The following A4GNT variants were observed in gnomAD, a reference collection of about 807,000 sequenced individuals.
A4GNT encodes alpha-1,4-N-acetylglucosaminyltransferase.
Under a neutral mutation model 8.3 loss-of-function variants are expected in A4GNT, and 6 were observed. The ratio of observed to expected loss-of-function variants is 0.72; its 90% CI spans 0.39 to 1.42. The LOEUF (loss-of-function observed/expected upper bound fraction) is 1.42. A4GNT is among the 40% of genes most tolerant of loss of function. A4GNT has a pLI of 0.02. For missense variants in A4GNT, 377 were observed against 417.0 expected (o/e 0.90, Z 0.84); for synonymous variants, 157 against 159.8 (o/e 0.98, Z 0.13).
At chr3:138,130,726 A>C in intron 2 of A4GNT, 123 bp downstream of exon 2, 2 of 1,028,570 alleles carry the variant, frequency 1.9e-6, no homozygotes, top group South Asian at 3.5e-5. Context: ...AACATGGTAA[A>C]AAGAGGGCCA....
rs1471717179 is a variant in A4GNT at position 138,124,452 on chromosome 3, G to C, written c.835C>G (p.Pro279Ala). 2.5e-6 allele frequency: 4 copies of C among 1,614,208 alleles called. No homozygotes were observed. The highest frequency in any genetic ancestry group is 1.7e-5 in the Admixed American group (1 of 60,032). Residue 279 changes from proline to alanine, a missense_variant, in exon 3 of 3, where the codon CCA becomes GCA. Pro to Ala is a conservative substitution (Grantham distance 27). Transcript: ENST00000236709. ...AGGGCATAAGAGACATTGAAGCTTG[G>C]CTCTGTATCCCACACTTCATAGTAG... ...RRYYEVWDTE[P>A]SFNVSYALHL...
intron 2 of A4GNT, among the ~76,000 whole-genome samples, chr3:138,126,377 T>A (rs980332909): frequency 2.6e-5 from 4 of 151,462 alleles, no homozygotes; most frequent in Admixed American, 2.6e-4. Flanking sequence ...GCAAAATGTT[T>A]TGTTTGTTTG....
intron 2 of A4GNT, among the ~76,000 whole-genome samples, chr3:138,126,073 AG>A (rs2042743325): frequency 6.6e-6 from 1 of 152,192 alleles, no homozygotes; most frequent in African/African-American, 2.4e-5. Flanking sequence ...AGTCTGGGGT[AG>A]GGTTGGTAGA....
At position 138,131,127 on chromosome 3, in the gene A4GNT, C is replaced by A. The variant is rs1170510197; in HGVS notation, c.130G>T (p.Ala44Ser). Residue 44 changes from alanine to serine, a missense_variant, in exon 2 of 3, where the codon GCC (alanine) becomes TCC (serine). Transcript: ENST00000236709. ...ATGCCACGTCTGTGGCTCAGGAGGG[C>A]TTCCAGCCCCTGGTGGGACTTGAAA... Reference protein sequence around the residue: ...PSFKSHQGLEALLSHRRGIVF... With the variant: ...PSFKSHQGLESLLSHRRGIVF... The A allele has an allele frequency of 6.2e-7, 1 of 1,613,632 alleles. No individual in the cohort carries two copies. The highest frequency in any genetic ancestry group is 8.5e-7 in the Non-Finnish European group (1 of 1,179,710).
At position 138,124,281 on chromosome 3, in the gene A4GNT, C is replaced by A. The variant is rs1410873414; in HGVS notation, c.1006G>T (p.Gly336Cys). ...TGTTAGCTTTATTTGTTACCTGGAC[C>A]CAGCTCCCCAGTCACTGACCCCTCT... The part of the protein sequence containing the change: ...GPEGSVTGEL[G>C]PGNK Residue 336 changes from glycine to cysteine, a missense_variant, in exon 3 of 3, where the codon GGT becomes TGT. Transcript: ENST00000236709. 1 of 1,613,412 alleles carries A rather than the reference C, an allele frequency of 6.2e-7. No homozygotes were observed. Among genetic ancestry groups the A allele is most frequent in the Admixed American group, 1.7e-5 (1 of 59,936 alleles).
At chr3:138,127,041 A>G (rs2107885474) in intron 2 of A4GNT, among the ~76,000 whole-genome samples, 1 of 147,664 alleles carries the variant, frequency 6.8e-6, no homozygotes, top group East Asian at 2.1e-4. Flanking sequence ...CTGAGGCAGG[A>G]GAATCACTTG....
Position 138,124,413 on chromosome 3 carries a change from G to A in A4GNT, c.874C>T (p.His292Tyr). ...ACAGCCCGCCCCTCCTGGTTCATGT[G>A]GTTCCACAAATGCAGGGCATAAGAG... is the stretch of plus-strand genomic sequence containing the variant. ...NVSYALHLWN[H>Y]MNQEGRAVIR... The change falls in exon 3 of 3, where the codon CAC becomes TAC. Residue 292 changes from histidine to tyrosine, a missense_variant. Coordinates refer to ENST00000236709, the MANE Select transcript of A4GNT (RefSeq NM_016161.3). 6.2e-7 allele frequency: 1 copy of A among 1,614,174 alleles called. No individual in the cohort carries two copies. Among genetic ancestry groups the A allele is most frequent in the Non-Finnish European group, 8.5e-7 (1 of 1,180,038 alleles).
Position 138,124,309 on chromosome 3 carries a change from G to T in A4GNT, c.978C>A (p.Gly326=), listed in dbSNP as rs747910981. Residue 326 remains glycine (G), a synonymous_variant, in exon 3 of 3, where the codon GGC becomes GGA. Transcript: ENST00000236709. ...GCTCCCCAGTCACTGACCCCTCTGG[G>T]CCTTTAATCAGGTCCCTGTAAGTCC... ...CPRTYRDLIK[G]PEGSVTGELG... is the part of the protein sequence containing the mutation. 2 of 1,614,192 alleles carry T rather than the reference G, an allele frequency of 1.2e-6. No individual in the cohort carries two copies. Among genetic ancestry groups the T allele is most frequent in the Admixed American group, 1.7e-5 (1 of 60,028 alleles).
chr3:138,128,642 G>C (rs546190111), intron 2 of A4GNT, among the ~76,000 whole-genome samples: 23 of 152,132 alleles, frequency 1.5e-4, no homozygotes, highest in Middle Eastern at 6.8e-3. Context: ...GATTTGGTGA[G>C]GATATATATT....
chr3:138,126,624 G>A (rs1229219169), intron 2 of A4GNT, among the ~76,000 whole-genome samples: 2 of 146,984 alleles, frequency 1.4e-5, no homozygotes, highest in Non-Finnish European at 3.0e-5. Context: ...TCAGGAGTTC[G>A]AGACCAGCCT....
chr3:138,128,170 A>G (rs190069716), intron 2 of A4GNT, among the ~76,000 whole-genome samples: 103 of 152,350 alleles, frequency 6.8e-4, no homozygotes, highest in African/African-American at 2.4e-3. Flanking sequence ...CATCTGTAAG[A>G]AAAGGATGTG....
chr3:138,127,140 A>C (rs77805788), intron 2 of A4GNT, among the ~76,000 whole-genome samples: 5 of 151,066 alleles, frequency 3.3e-5, no homozygotes, highest in Non-Finnish European at 5.9e-5. Context: ...AAAAAAAAAA[A>C]CAATAATTGT....
In A4GNT at chr3:138,124,281, C is replaced by T; in HGVS notation, c.1006G>A (p.Gly336Ser). 1.2e-6 allele frequency: 2 copies of T among 1,613,530 alleles called. No homozygotes were observed. Residue 336 changes from glycine (G) to serine (S), a missense_variant, in exon 3 of 3, where the codon GGT becomes AGT. Coordinates refer to ENST00000236709, the MANE Select transcript of A4GNT (RefSeq NM_016161.3). ...TGTTAGCTTTATTTGTTACCTGGAC[C>T]CAGCTCCCCAGTCACTGACCCCTCT... is the stretch of plus-strand genomic sequence containing the variant. ...GPEGSVTGELGPGNK is the reference protein window; with the variant it reads ...GPEGSVTGELSPGNK
chr3:138,129,126 C>T (rs971175755), intron 2 of A4GNT, among the ~76,000 whole-genome samples: 1 of 152,090 alleles, frequency 6.6e-6, no homozygotes, highest in African/African-American at 2.4e-5. Flanking sequence ...ATGCCCTCCA[C>T]CCAGGACAGT....
At position 138,124,116 on chromosome 3, in the gene A4GNT, A is replaced by G. The variant is rs1170810132; in HGVS notation, c.*148T>C. 1.8e-6 allele frequency: 2 copies of G among 1,124,358 alleles called. No homozygotes were observed. Among genetic ancestry groups the G allele is most frequent in the African/African-American group, 3.1e-5 (2 of 63,656 alleles). The allele number at this position is 1,124,358 out of a possible 1,614,324, so 69.6% of individuals were successfully genotyped here. Reference sequence around the variant, plus strand: ...AGCCAGTATCATTTGGGATTTTTCTATTACAGACAGAGAAAGCTAATCCTA... The same window carrying G: ...AGCCAGTATCATTTGGGATTTTTCTGTTACAGACAGAGAAAGCTAATCCTA... On this transcript the variant is annotated 3_prime_UTR_variant, in exon 3 of 3. Transcript: ENST00000236709.
intron 2 of A4GNT, among the ~76,000 whole-genome samples, chr3:138,127,139 A>C (rs1008641729): frequency 1.3e-5 from 2 of 151,606 alleles, no homozygotes; most frequent in Non-Finnish European, 2.9e-5. Context: ...AAAAAAAAAA[A>C]ACAATAATTG....
chr3:138,124,292 G>A lies in A4GNT; in HGVS notation c.995C>T (p.Thr332Ile), dbSNP rs1477950135. The stretch of plus-strand genomic sequence containing the variant: ...TTTGTTACCTGGACCCAGCTCCCCA[G>A]TCACTGACCCCTCTGGGCCTTTAAT... ...DLIKGPEGSV[T>I]GELGPGNK Residue 332 changes from threonine to isoleucine, a missense_variant, in exon 3 of 3, where the codon ACT becomes ATT. Coordinates refer to ENST00000236709, the MANE Select transcript of A4GNT (RefSeq NM_016161.3). 3.1e-6 allele frequency: 5 copies of A among 1,614,064 alleles called. No individual in the cohort carries two copies. In the Admixed American group the frequency reaches 8.3e-5, roughly 27 times the overall value.
At chr3:138,125,575 A>G (rs976521256) in intron 2 of A4GNT, among the ~76,000 whole-genome samples, 1 of 152,206 alleles carries the variant, frequency 6.6e-6, no homozygotes, top group Admixed American at 6.5e-5. Context: ...TGAAGGGGCC[A>G]GGGTGGAGCG....
At chr3:138,126,761 G>GGTTGCAGTGAGGAAAGATTGTACC (rs1164476904) in intron 2 of A4GNT, among the ~76,000 whole-genome samples, 1 of 150,748 alleles carries the variant, frequency 6.6e-6, no homozygotes, top group African/African-American at 2.4e-5. Context: ...GGGAGGCGGA[G>GGTTGCAGTGAGGAAAGATTGTACC]GTTGCAGTGA....
Sources: gnomAD v4.1 joint callset for allele counts (sites outside exome capture counted in the v4.1 genomes callset) on GRCh38, gnomAD v4.1.1 for gene constraint, MANE v1.5 for transcripts, NCBI Gene and HGNC (gene_info 2026-07-23, HGNC 2026-07-21) for gene names.